TMEM135: variants seen among roughly 807,000 people sequenced by gnomAD.
TMEM135 encodes transmembrane protein 135, also known as peroxisomal membrane protein 52.
A neutral mutation model predicts 60.3 loss-of-function variants in TMEM135; 30 were observed. The ratio of observed to expected loss-of-function variants is 0.50; its 90% confidence interval spans 0.37 to 0.68. The LOEUF is 0.68. TMEM135 is among the 30% of genes least tolerant of loss of function. The pLI is 0.00. For synonymous variants in TMEM135, 190 were observed against 186.7 expected, an observed-to-expected ratio of 1.02 and a Z score of -0.14; for missense variants, 468 against 548.8, an observed-to-expected ratio of 0.85 and a Z score of 1.47.
chr11:87,215,270 T>G (rs1259336699), intron 5 of TMEM135, among the ~76,000 whole-genome samples: 1 of 152,222 alleles, frequency 6.6e-6, no homozygotes, highest in Non-Finnish European at 1.5e-5. Context: ...TGAGTTTCAG[T>G]TACTTATTAT....
chr11:87,195,391 T>TCTC (rs1555116639), intron 5 of TMEM135, among the ~76,000 whole-genome samples: 4 of 65,758 alleles, frequency 6.1e-5, no homozygotes, highest in Non-Finnish European at 1.3e-4. Context: ...CCTTCCTTCC[T>TCTC]TCTCTCTCTC....
intron 4 of TMEM135, among the ~76,000 whole-genome samples, chr11:87,111,134 G>C (rs1340546377): frequency 6.6e-6 from 1 of 152,168 alleles, no homozygotes; most frequent in Non-Finnish European, 1.5e-5. Context: ...CCTTAGCAAA[G>C]AAGGACGAAG....
chr11:87,309,557 T>G lies in TMEM135; in HGVS notation c.821T>G (p.Ile274Ser). The G allele has an allele frequency of 6.2e-7, 1 of 1,613,926 alleles. No individual in the cohort carries two copies. The highest frequency in any genetic ancestry group is 8.5e-7 in the Non-Finnish European group (1 of 1,179,824). The change falls in exon 10 of 15, where the codon ATC becomes AGC. Residue 274 changes from isoleucine to serine, a missense_variant. By Grantham distance (142) the Ile-to-Ser change is moderately radical (BLOSUM62 -2). Coordinates refer to ENST00000305494, the MANE Select transcript of TMEM135 (RefSeq NM_022918.4). ...VGYLIQCCLR[I>S]PSAFRHLFTQ... ...TACTTGATCCAGTGCTGCCTCCGAATCCCTTCTGCATTTAGGCATCTGTTT... is the reference window on the plus strand; with the variant it reads ...TACTTGATCCAGTGCTGCCTCCGAAGCCCTTCTGCATTTAGGCATCTGTTT...
intron 5 of TMEM135, among the ~76,000 whole-genome samples, chr11:87,168,289 T>G (rs1388118074): frequency 6.6e-6 from 1 of 152,158 alleles, no homozygotes; most frequent in East Asian, 1.9e-4. Flanking sequence ...AAGGGTTTTT[T>G]GTATCTCTAT....
intron 13 of TMEM135, among the ~76,000 whole-genome samples, chr11:87,318,458 T>C (rs1272059195): frequency 6.6e-6 from 1 of 152,076 alleles, no homozygotes; most frequent in Non-Finnish European, 1.5e-5. Flanking sequence ...TACACCAATT[T>C]TTAGGTTTTA....
chr11:87,233,513 A>G (rs1801031506), intron 5 of TMEM135, among the ~76,000 whole-genome samples: 1 of 152,026 alleles, frequency 6.6e-6, no homozygotes, highest in Non-Finnish European at 1.5e-5. Context: ...TATGTTTATT[A>G]TTTTGCTTAT....
At chr11:87,312,562 C>T (rs1183456749) in intron 10 of TMEM135, among the ~76,000 whole-genome samples, 1 of 151,912 alleles carries the variant, frequency 6.6e-6, no homozygotes, top group Non-Finnish European at 1.5e-5. Flanking sequence ...TCTGTCATAA[C>T]TACCCAGCTC....
intron 4 of TMEM135, among the ~76,000 whole-genome samples, chr11:87,116,872 G>C (rs747897358): frequency 4.0e-5 from 6 of 151,740 alleles, no homozygotes; most frequent in Admixed American, 6.6e-5. Flanking sequence ...TCCCAGGATA[G>C]AGTGCAGTGG....
chr11:87,193,367 T>C (rs1405923760), intron 5 of TMEM135, among the ~76,000 whole-genome samples: 1 of 152,232 alleles, frequency 6.6e-6, no homozygotes, highest in East Asian at 1.9e-4. Context: ...TAGATTAAGA[T>C]ACAGATTGTT....
intron 3 of TMEM135, among the ~76,000 whole-genome samples, chr11:87,073,920 G>A (rs972073735): frequency 1.2e-4 from 18 of 151,774 alleles, no homozygotes; most frequent in African/African-American, 4.4e-4. Context: ...CACCAGCTTC[G>A]GCCTTCCAAA....
chr11:87,147,002 A>C (rs569052112), intron 4 of TMEM135, among the ~76,000 whole-genome samples: 39 of 152,234 alleles, frequency 2.6e-4, no homozygotes, highest in Admixed American at 1.3e-3. Flanking sequence ...GATGATGCCT[A>C]CGTGATTAAA....
intron 4 of TMEM135, among the ~76,000 whole-genome samples, chr11:87,129,750 A>G (rs1937863799): frequency 6.6e-6 from 1 of 151,944 alleles, no homozygotes; most frequent in African/African-American, 2.4e-5. Context: ...CATGTTAGCC[A>G]TGCCGGTCTC....
intron 6 of TMEM135, among the ~76,000 whole-genome samples, chr11:87,238,194 C>T (rs139780681): frequency 6.6e-6 from 1 of 151,882 alleles, no homozygotes; most frequent in Admixed American, 6.6e-5. Flanking sequence ...AGTGGGATTG[C>T]TGGATCACAT....
rs565093524 is a variant in TMEM135 at position 87,313,014 on chromosome 11, T to A, written c.937-411T>A. Among the ~76,000 whole-genome samples the A allele has an allele frequency of 5.9e-5, 9 of 151,960 alleles. 1 individual carries two copies. The South Asian group carries it at 1.7e-3, about 28-fold the overall frequency. On this transcript the variant is annotated intron_variant, in intron 10 of 14. Transcript: ENST00000305494. Reference sequence around the variant, plus strand: ...GGTGGATTTTCTCAGCTTTTATCTGTCTGGAAAAAATCTTTGTTTCACCTT... The same window carrying A: ...GGTGGATTTTCTCAGCTTTTATCTGACTGGAAAAAATCTTTGTTTCACCTT...
intron 6 of TMEM135, among the ~76,000 whole-genome samples, chr11:87,293,216 T>C (rs1565159858): frequency 6.6e-6 from 1 of 152,212 alleles, no homozygotes. Context: ...AATTTTCCCA[T>C]GCACATTTTA....
chr11:87,148,669 C>T (rs940061370), intron 4 of TMEM135, among the ~76,000 whole-genome samples: 4 of 151,826 alleles, frequency 2.6e-5, no homozygotes, highest in African/African-American at 9.7e-5. Flanking sequence ...AATCATATCA[C>T]TAGATTAAAT....
chr11:87,158,349 A>G (rs999042629), intron 5 of TMEM135, among the ~76,000 whole-genome samples: 9 of 152,214 alleles, frequency 5.9e-5, no homozygotes, highest in Admixed American at 5.9e-4. Context: ...GTATTACTTC[A>G]TGACTATAAA....
At chr11:87,204,230 CTGTT>C (rs919851434) in intron 5 of TMEM135, among the ~76,000 whole-genome samples, 1 of 152,024 alleles carries the variant, frequency 6.6e-6, no homozygotes, top group Admixed American at 6.6e-5. Flanking sequence ...TATGTAGCCA[CTGTT>C]TGTTGAGGGA....
rs190098802 is a variant in TMEM135 at position 87,327,529 on chromosome 11, T to C, written c.*6196T>C. On this transcript the variant is annotated 3_prime_UTR_variant, in exon 15 of 15. Coordinates refer to ENST00000305494, the MANE Select transcript of TMEM135 (RefSeq NM_022918.4). ...AGAACAATAGGGATAGAGAGATACATAGAGAGAGATATGAGAGGGATAGAG... is the reference window on the plus strand; with the variant it reads ...AGAACAATAGGGATAGAGAGATACACAGAGAGAGATATGAGAGGGATAGAG... 255 of 452,962 alleles carry C rather than the reference T, an allele frequency of 5.6e-4. 3 individuals carry two copies. The highest frequency in any genetic ancestry group is 2.8e-3 in the Middle Eastern group (4 of 1,436). 28.1% of individuals were successfully genotyped at this position (452,962 alleles called of 1,614,324 possible). A position where few individuals can be genotyped will look rare whatever the true frequency, so the allele number is the denominator to read the frequency against.
Sources: allele counts gnomAD v4.1 joint callset (sites outside exome capture counted in the v4.1 genomes callset), GRCh38; gene constraint gnomAD v4.1.1; transcripts MANE v1.5; gene names NCBI Gene and HGNC (gene_info 2026-07-23, HGNC 2026-07-21).